GRIA1: variants seen among roughly 807,000 people sequenced by gnomAD.
GRIA1 encodes the protein glutamate receptor 1.
GRIA1 carries 31 observed loss-of-function variants against 99.2 expected under a neutral mutation model. That is an observed-to-expected ratio of 0.31 (90% CI 0.23 to 0.42). The LOEUF (loss-of-function observed/expected upper bound fraction) is 0.42, where lower values mean the gene tolerates loss of function less well. Ranked by LOEUF, GRIA1 falls within the 10% of genes least tolerant of loss-of-function variation. The pLI is 1.00. For synonymous variants in GRIA1, 438 were observed against 432.4 expected (o/e 1.01, Z -0.16); for missense variants, 782 against 1,157.5 (o/e 0.68, Z 4.71).
intron 11 of GRIA1, among the ~76,000 whole-genome samples, chr5:153,723,419 A>G (rs7712284): frequency 0.52 from 78,663 of 151,258 alleles, 21,263 homozygotes; most frequent in East Asian, 0.94. Flanking sequence ...CGCACCATGC[A>G]CGAGCTGAAG....
intron 2 of GRIA1, among the ~76,000 whole-genome samples, chr5:153,635,036 G>A (rs1360342792): frequency 2.0e-5 from 3 of 152,200 alleles, no homozygotes; most frequent in African/African-American, 7.2e-5. Flanking sequence ...CCCTCGGGCT[G>A]TCCTCTGTAG....
rs1299478307 is a variant in GRIA1 at position 153,616,602 on chromosome 5, A to T, written c.221-30326A>T. On this transcript the variant is annotated intron_variant, in intron 2 of 15. Coordinates refer to ENST00000285900, the MANE Select transcript of GRIA1 (RefSeq NM_000827.4). ...ACAGGTTGGACAAGCTTGCTCTAGG[A>T]TACAATTTTATTCTCCCAGGGCCTA... is the stretch of plus-strand genomic sequence containing the variant. Among the ~76,000 whole-genome samples the T allele has an allele frequency of 2.6e-5, 4 of 152,208 alleles. No individual in the cohort carries two copies. The East Asian group carries it at 5.8e-4, about 22-fold the overall frequency.
intron 1 of GRIA1, among the ~76,000 whole-genome samples, chr5:153,491,666 A>G (rs1270272164): frequency 6.6e-6 from 1 of 151,510 alleles, no homozygotes; most frequent in African/African-American, 2.4e-5. Context: ...CTCCTCTTAG[A>G]TTTCCTATCC....
At chr5:153,583,691 A>G (rs2149378168) in intron 2 of GRIA1, among the ~76,000 whole-genome samples, 1 of 152,312 alleles carries the variant, frequency 6.6e-6, no homozygotes, top group East Asian at 1.9e-4. Flanking sequence ...CTTTGTTTTC[A>G]GGAGATACCC....
chr5:153,629,426 A>G (rs925331484), intron 2 of GRIA1, among the ~76,000 whole-genome samples: 1 of 152,202 alleles, frequency 6.6e-6, no homozygotes, highest in African/African-American at 2.4e-5. Context: ...CAGGTGGGAA[A>G]CGTCTGTGAT....
intron 11 of GRIA1, among the ~76,000 whole-genome samples, chr5:153,750,630 G>A (rs1762448426): frequency 6.6e-6 from 1 of 152,094 alleles, no homozygotes; most frequent in African/African-American, 2.4e-5. Flanking sequence ...CTTAGTGTCT[G>A]CTCCCCCTGC....
At position 153,757,239 on chromosome 5, in the gene GRIA1, C is replaced by T. The variant is rs934822377; in HGVS notation, c.1824-7195C>T. Among the ~76,000 whole-genome samples, 4 of 152,010 alleles carry T rather than the reference C, an allele frequency of 2.6e-5. No homozygotes were observed. In the East Asian group the frequency reaches 7.7e-4, roughly 29 times the overall value. ...CTTGAAAACAGTCTCCTTGAAAATA[C>T]AGCCAAAGGAGAAAATAGGAAAAAA... On this transcript the variant is annotated intron_variant, in intron 11 of 15. Coordinates refer to ENST00000285900, the MANE Select transcript of GRIA1 (RefSeq NM_000827.4).
chr5:153,626,831 AAAAG>A (rs1474341028), intron 2 of GRIA1, among the ~76,000 whole-genome samples: 3 of 152,186 alleles, frequency 2.0e-5, no homozygotes, highest in Admixed American at 2.0e-4. Flanking sequence ...TAAATCCAAA[AAAAG>A]AGCAGCAGCT....
intron 2 of GRIA1, among the ~76,000 whole-genome samples, chr5:153,509,008 A>C (rs925221388): frequency 6.6e-6 from 1 of 152,186 alleles, no homozygotes; most frequent in Admixed American, 6.5e-5. Context: ...AATATATTTA[A>C]AGCTTCTGCT....
intron 2 of GRIA1, among the ~76,000 whole-genome samples, chr5:153,625,097 T>C (rs1767465887): frequency 6.6e-6 from 1 of 151,342 alleles, no homozygotes; most frequent in Non-Finnish European, 1.5e-5. Flanking sequence ...AAGTCCCTAG[T>C]ACATCTCTAT....
rs1339427400 is a variant in GRIA1, at chr5:153,794,705, C to T, written c.2355C>T (p.Gly785=). ...KLKNKWWYDK[G]ECGSGGGDSK... ...AAAACAAATGGTGGTACGACAAGGG[C>T]GAGTGCGGCAGCGGGGGAGGTGATT... Residue 785 remains glycine (G), a synonymous_variant, in exon 14 of 16, where the codon GGC becomes GGT. Transcript: ENST00000285900. 5.0e-6 allele frequency: 8 copies of T among 1,612,368 alleles called. No homozygotes were observed. Among genetic ancestry groups the T allele is most frequent in the Non-Finnish European group, 5.1e-6 (6 of 1,179,124 alleles).
At chr5:153,696,874 G>C (rs1561777177) in intron 8 of GRIA1, among the ~76,000 whole-genome samples, 1 of 152,038 alleles carries the variant, frequency 6.6e-6, no homozygotes, top group Non-Finnish European at 1.5e-5. Flanking sequence ...GTGTGTGTGT[G>C]TGTGTGTGTA....
intron 4 of GRIA1, among the ~76,000 whole-genome samples, chr5:153,651,780 G>C (rs1752535366): frequency 6.6e-6 from 1 of 152,144 alleles, no homozygotes; most frequent in Non-Finnish European, 1.5e-5. Flanking sequence ...AGCAAAACTT[G>C]TTCCTTTGAG....
chr5:153,493,530 G>T (rs1276568760), intron 1 of GRIA1, among the ~76,000 whole-genome samples: 2 of 152,144 alleles, frequency 1.3e-5, no homozygotes, highest in Non-Finnish European at 2.9e-5. Context: ...GAGAGATGAG[G>T]CTGATGTAAG....
At chr5:153,631,905 G>T (rs1052369609) in intron 2 of GRIA1, among the ~76,000 whole-genome samples, 1 of 152,114 alleles carries the variant, frequency 6.6e-6, no homozygotes, top group African/African-American at 2.4e-5. Flanking sequence ...AGAGTTTTGG[G>T]CAGTGAGAAC....
rs150248591 is a variant in GRIA1, at chr5:153,738,710, T to A, written c.1824-25724T>A. 9.6e-3 allele frequency among the ~76,000 whole-genome samples: 1,280 copies of A among 133,650 alleles called. 10 individuals are homozygous for A. Among genetic ancestry groups the A allele is most frequent in the South Asian group, 0.017 (64 of 3,662 alleles). 87.7% of individuals were successfully genotyped at this position (133,650 alleles called of 152,430 possible). ...GCTCCTATAATGTTGCGTGTTCATCTCCATACCTTCTTTTTTTTTTTTTTT... is the reference window on the plus strand; with the variant it reads ...GCTCCTATAATGTTGCGTGTTCATCACCATACCTTCTTTTTTTTTTTTTTT... On this transcript the variant is annotated intron_variant, in intron 11 of 15. Coordinates refer to ENST00000285900, the MANE Select transcript of GRIA1 (RefSeq NM_000827.4).
chr5:153,495,105 T>A (rs1754283298), intron 2 of GRIA1, among the ~76,000 whole-genome samples: 1 of 152,198 alleles, frequency 6.6e-6, no homozygotes, highest in South Asian at 2.1e-4. Flanking sequence ...ATTCTTTCTA[T>A]CCCAAAGACC....
chr5:153,760,008 G>A (rs377676638), intron 11 of GRIA1, among the ~76,000 whole-genome samples: 57 of 151,856 alleles, frequency 3.8e-4, no homozygotes, highest in African/African-American at 1.1e-3. Context: ...CTTTTATGAC[G>A]AAAACCCTCA....
intron 2 of GRIA1, among the ~76,000 whole-genome samples, chr5:153,494,531 T>C (rs1754227511): frequency 6.6e-6 from 1 of 152,250 alleles, no homozygotes; most frequent in South Asian, 2.1e-4. Context: ...ATCTGGTTCT[T>C]CATTTTCGGA....
Sources: allele counts gnomAD v4.1 joint callset (sites outside exome capture counted in the v4.1 genomes callset), GRCh38; gene constraint gnomAD v4.1.1; transcripts MANE v1.5; gene names NCBI Gene and HGNC (gene_info 2026-07-23, HGNC 2026-07-21).